Variants in UBE2E3 observed in about 807,000 individuals in gnomAD.
The protein encoded by UBE2E3 is ubiquitin-conjugating enzyme E2 E3.
In UBE2E3, 5 loss-of-function variants were observed where a neutral mutation model predicts 23.6. The observed-to-expected ratio is 0.21, with a 90% CI of 0.11 to 0.44. The LOEUF is 0.44. Ranked by LOEUF, UBE2E3 falls within the 20% of genes least tolerant of loss-of-function variation. The pLI is 0.99. For synonymous variants in UBE2E3, 78 were observed against 87.5 expected (o/e 0.89, Z 0.60); for missense variants, 81 against 249.8 (o/e 0.32, Z 4.55).
intron 3 of UBE2E3, among the ~76,000 whole-genome samples, chr2:181,045,251 T>C (rs1036387311): frequency 6.6e-6 from 1 of 152,222 alleles, no homozygotes; most frequent in African/African-American, 2.4e-5. Context: ...ATGCTGATTA[T>C]TGTTACAGCT....
intron 3 of UBE2E3, among the ~76,000 whole-genome samples, chr2:181,022,767 AAG>A (rs1006170279): frequency 9.2e-5 from 14 of 152,154 alleles, no homozygotes; most frequent in African/African-American, 3.1e-4. Context: ...GGTTTACAGA[AAG>A]AGAGCTGAAA....
chr2:181,009,813 A>G (rs1559119997), intron 3 of UBE2E3, among the ~76,000 whole-genome samples: 1 of 152,140 alleles, frequency 6.6e-6, no homozygotes, highest in Admixed American at 6.5e-5. Context: ...GTTGATAACT[A>G]GAATGTAAGT....
chr2:181,035,743 C>T (rs539002284), intron 3 of UBE2E3, among the ~76,000 whole-genome samples: 44 of 151,944 alleles, frequency 2.9e-4, no homozygotes, highest in Non-Finnish European at 5.9e-4. Flanking sequence ...TTATATGTGA[C>T]CCAAGACAAT....
chr2:181,028,125 T>A lies in UBE2E3; in HGVS notation c.246-29568T>A, dbSNP rs565599536. The stretch of plus-strand genomic sequence containing the variant: ...GTATTACTAAACGGCATATATTGTT[T>A]AATTTTGAGCACTATACATTACATA... On this transcript the variant is annotated intron_variant, in intron 3 of 5. Coordinates refer to ENST00000410062, the MANE Select transcript of UBE2E3 (RefSeq NM_006357.4). Among the ~76,000 whole-genome samples, 287 of 152,178 alleles carry A rather than the reference T, an allele frequency of 1.9e-3. 10 individuals are homozygous for A. In the East Asian group the frequency reaches 0.048, roughly 25 times the overall value.
At chr2:180,994,069 G>A (rs1361759352) in intron 3 of UBE2E3, among the ~76,000 whole-genome samples, 1 of 152,084 alleles carries the variant, frequency 6.6e-6, no homozygotes, top group Non-Finnish European at 1.5e-5. Context: ...TTTAACTAGT[G>A]TGCCTTTAAT....
At chr2:180,996,907 A>G (rs1684837912) in intron 3 of UBE2E3, among the ~76,000 whole-genome samples, 1 of 151,810 alleles carries the variant, frequency 6.6e-6, no homozygotes, top group Non-Finnish European at 1.5e-5. Flanking sequence ...TAGTTTTTAC[A>G]CCTCCCCGCA....
At chr2:180,981,938 A>C in intron 1 of UBE2E3, 80 bp from the exon 2 acceptor site, 1 of 1,057,652 alleles carries the variant, frequency 9.5e-7, no homozygotes, top group African/African-American at 1.6e-5. Context: ...AGACGATTTT[A>C]GATGACTAGA....
intron 3 of UBE2E3, among the ~76,000 whole-genome samples, chr2:181,030,610 G>A (rs1206541422): frequency 2.0e-5 from 3 of 150,924 alleles, no homozygotes; most frequent in Admixed American, 6.6e-5. Context: ...TTTTATTTTT[G>A]ATTCTCAGAA....
intron 3 of UBE2E3, among the ~76,000 whole-genome samples, chr2:180,996,637 C>G (rs112886143): frequency 2.9e-4 from 44 of 152,282 alleles, no homozygotes; most frequent in African/African-American, 9.4e-4. Context: ...CCTCTTCCCC[C>G]CCATTTCCAG....
Position 181,023,979 on chromosome 2 carries a change from G to A in UBE2E3, c.246-33714G>A, listed in dbSNP as rs537022040. On this transcript the variant is annotated intron_variant, in intron 3 of 5. Coordinates refer to ENST00000410062, the MANE Select transcript of UBE2E3 (RefSeq NM_006357.4). ...TTACTGTCACAAGTGATAAAGCAAT[G>A]GGAATACCTGTGTTTTATATTTCTT... Among the ~76,000 whole-genome samples the A allele has an allele frequency of 4.6e-5, 7 of 152,136 alleles. No individual in the cohort carries two copies. The South Asian group carries it at 1.0e-3, about 23-fold the overall frequency.
At chr2:181,049,402 G>C (rs1028748212) in intron 3 of UBE2E3, among the ~76,000 whole-genome samples, 1 of 151,992 alleles carries the variant, frequency 6.6e-6, no homozygotes, top group Non-Finnish European at 1.5e-5. Context: ...GTGTGTTTGT[G>C]TGTGTTTTTT....
At chr2:181,028,453 A>G (rs1685968053) in intron 3 of UBE2E3, among the ~76,000 whole-genome samples, 1 of 152,094 alleles carries the variant, frequency 6.6e-6, no homozygotes, top group Non-Finnish European at 1.5e-5. Flanking sequence ...CTCACAGAGA[A>G]CGTGCATATT....
chr2:181,006,571 C>G (rs768906090), intron 3 of UBE2E3, among the ~76,000 whole-genome samples: 1 of 151,950 alleles, frequency 6.6e-6, no homozygotes, highest in Non-Finnish European at 1.5e-5. Context: ...TAGGAACATG[C>G]TAAATATTTC....
At chr2:181,055,201 G>T (rs1303177949) in intron 3 of UBE2E3, among the ~76,000 whole-genome samples, 1 of 151,680 alleles carries the variant, frequency 6.6e-6, no homozygotes, top group Non-Finnish European at 1.5e-5. Flanking sequence ...TGCTGTCAAG[G>T]AAAGATGATT....
At chr2:181,039,703 A>G (rs990655986) in intron 3 of UBE2E3, among the ~76,000 whole-genome samples, 2 of 152,226 alleles carry the variant, frequency 1.3e-5, no homozygotes, top group South Asian at 2.1e-4. Context: ...TAATTTTATA[A>G]TGACAAAGAC....
At chr2:180,991,149 A>ATTTTTTTTTTTTTTTTTTT (rs35348964) in intron 3 of UBE2E3, among the ~76,000 whole-genome samples, 1 of 150,902 alleles carries the variant, frequency 6.6e-6, no homozygotes, top group Non-Finnish European at 1.5e-5. Flanking sequence ...AAAACCTTTG[A>ATTTTTTTTTTTTTTTTTTT]TTTTTTTTTC....
At chr2:181,021,585 T>C in intron 3 of UBE2E3, among the ~76,000 whole-genome samples, 1 of 117,178 alleles carries the variant, frequency 8.5e-6, no homozygotes, top group Admixed American at 8.6e-5. Flanking sequence ...CCTCCCTCCC[T>C]TCCTTCCTCC....
At chr2:181,006,897 A>G (rs1685165945) in intron 3 of UBE2E3, among the ~76,000 whole-genome samples, 1 of 152,230 alleles carries the variant, frequency 6.6e-6, no homozygotes, top group Non-Finnish European at 1.5e-5. Flanking sequence ...AAACATTTTC[A>G]ATTTCTCAGA....
intron 3 of UBE2E3, among the ~76,000 whole-genome samples, chr2:180,998,866 A>C (rs139344902): frequency 5.9e-5 from 9 of 152,366 alleles, no homozygotes; most frequent in Non-Finnish European, 1.2e-4. Context: ...CAGATGATTC[A>C]TTTGAAAACC....
Sources: allele counts gnomAD v4.1 joint callset (sites outside exome capture counted in the v4.1 genomes callset), GRCh38; gene constraint gnomAD v4.1.1; transcripts MANE v1.5; gene names NCBI Gene and HGNC (gene_info 2026-07-23, HGNC 2026-07-21).